PTPRN2: variants seen among roughly 807,000 people sequenced by gnomAD.
PTPRN2 encodes the protein protein tyrosine phosphatase receptor type N2.
PTPRN2 carries 74 observed loss-of-function variants against 118.8 expected under a neutral mutation model. That is an observed-to-expected ratio of 0.62 (90% CI 0.52 to 0.76). The LOEUF (loss-of-function observed/expected upper bound fraction) is 0.76. Among genes scored for constraint, PTPRN2 ranks in the 30% least tolerant of loss-of-function variants. PTPRN2 has a pLI of 0.00. For synonymous variants in PTPRN2, 641 were observed against 608.0 expected, an observed-to-expected ratio of 1.05 and a Z score of -0.80; for missense variants, 1,481 against 1,394.4, an observed-to-expected ratio of 1.06 and a Z score of -0.99.
At chr7:158,111,824 A>G (rs933784741) in intron 9 of PTPRN2, among the ~76,000 whole-genome samples, 5 of 152,204 alleles carry the variant, frequency 3.3e-5, no homozygotes, top group African/African-American at 4.8e-5. Context: ...CTAAAAATTC[A>G]TATGTTGAAA....
chr7:157,549,280 C>T (rs964133328), intron 21 of PTPRN2, among the ~76,000 whole-genome samples: 3 of 151,470 alleles, frequency 2.0e-5, no homozygotes, highest in Middle Eastern at 3.5e-3. Flanking sequence ...AGGCCGTCAC[C>T]GTCAGAAACC....
At chr7:158,348,303 C>G (rs1445400648) in intron 2 of PTPRN2, among the ~76,000 whole-genome samples, 100 of 142,612 alleles carry the variant, frequency 7.0e-4, no homozygotes, top group African/African-American at 4.0e-4. Flanking sequence ...CCCTGGGTTC[C>G]CCATTCACAG....
chr7:158,368,844 A>G (rs1401528649), intron 2 of PTPRN2, among the ~76,000 whole-genome samples: 1 of 152,184 alleles, frequency 6.6e-6, no homozygotes, highest in Non-Finnish European at 1.5e-5. Context: ...AGAGGCAGGA[A>G]TTGTGTGGGG....
intron 2 of PTPRN2, among the ~76,000 whole-genome samples, chr7:158,353,256 T>G (rs967879987): frequency 6.6e-6 from 1 of 152,190 alleles, no homozygotes; most frequent in African/African-American, 2.4e-5. Context: ...ACTGTTTTCC[T>G]TAATAGAAAA....
chr7:158,264,084 A>G (rs754741392), intron 3 of PTPRN2, among the ~76,000 whole-genome samples: 1 of 152,196 alleles, frequency 6.6e-6, no homozygotes, highest in Non-Finnish European at 1.5e-5. Flanking sequence ...TATTATTTAG[A>G]AGGAGGTCAC....
chr7:157,642,585 G>T (rs376176447), intron 14 of PTPRN2, among the ~76,000 whole-genome samples: 2 of 152,104 alleles, frequency 1.3e-5, no homozygotes, highest in South Asian at 2.1e-4. Flanking sequence ...TCCGTCACTG[G>T]GTGCTCAGAA....
chr7:157,542,905 G>A (rs1046397917), intron 22 of PTPRN2, among the ~76,000 whole-genome samples: 1 of 152,212 alleles, frequency 6.6e-6, no homozygotes, highest in Non-Finnish European at 1.5e-5. Flanking sequence ...TGAGGGGACA[G>A]GGGCTTGTGG....
rs1411215136 is a variant in PTPRN2, at chr7:157,794,996, A to G, written c.1788+103677T>C. Among the ~76,000 whole-genome samples the G allele has an allele frequency of 1.3e-5, 2 of 152,204 alleles. No homozygotes were observed. Among genetic ancestry groups the G allele is most frequent in the African/African-American group, 4.8e-5 (2 of 41,464 alleles). On this transcript the variant is annotated intron_variant, in intron 12 of 22. Transcript: ENST00000389418. The surrounding 1 kb of genome is among the most constrained non-coding windows in gnomAD (Gnocchi z 5.2). ...AAAGTATTGAAACTTCCTCTAAGACATGGATCCCTGTGCGTCGCAGCCCCT... is the reference window on the plus strand; with the variant it reads ...AAAGTATTGAAACTTCCTCTAAGACGTGGATCCCTGTGCGTCGCAGCCCCT...
intron 5 of PTPRN2, 31 bp from the exon 6 acceptor site, chr7:158,167,322 A>G (rs368575660): frequency 1.6e-5 from 25 of 1,544,630 alleles, no homozygotes; most frequent in Non-Finnish European, 1.9e-5. Flanking sequence ...ACAGAGCAAG[A>G]GTCACATTTC....
chr7:157,974,161 G>A lies in PTPRN2; in HGVS notation c.1724-75424C>T, dbSNP rs923285840. 5.3e-5 allele frequency among the ~76,000 whole-genome samples: 8 copies of A among 152,332 alleles called. No homozygotes were observed. In the South Asian group the frequency reaches 1.2e-3, roughly 24 times the overall value. On this transcript the variant is annotated intron_variant, in intron 11 of 22. Coordinates refer to ENST00000389418, the MANE Select transcript of PTPRN2 (RefSeq NM_002847.5). This position sits in a 1 kb window ranked among gnomAD's most constrained non-coding sequence, Gnocchi z 4.0. ...CACAGGTCATGAGCGCCGGCCCTGC[G>A]GATCCGGCGATGATCATTGTGGAAA... is the stretch of plus-strand genomic sequence containing the variant.
At chr7:157,613,981 C>A (rs147999231) in intron 15 of PTPRN2, 8,371 of 470,002 alleles carry the variant, frequency 0.018, 286 homozygotes, top group Admixed American at 0.091. Flanking sequence ...TGTGAGCTCA[C>A]AGGGCTGGCC....
chr7:157,767,715 T>C (rs925701600), intron 12 of PTPRN2, among the ~76,000 whole-genome samples: 4 of 152,194 alleles, frequency 2.6e-5, no homozygotes, highest in African/African-American at 7.2e-5. Flanking sequence ...TCTATACTCC[T>C]GCTCCTCTTA....
Position 158,570,039 on chromosome 7 carries a change from C to T in PTPRN2, c.112+17519G>A, listed in dbSNP as rs1178154871. Among the ~76,000 whole-genome samples, 4 of 152,180 alleles carry T rather than the reference C, an allele frequency of 2.6e-5. No homozygotes were observed. The highest frequency in any genetic ancestry group is 9.6e-5 in the African/African-American group (4 of 41,466). ...AGGCCGCCAGGCCTTTCCTCCCTCG[C>T]GTTCCCTCAGGCGCGTCCTCCACCC... On this transcript the variant is annotated intron_variant, in intron 1 of 22. Transcript: ENST00000389418. The surrounding 1 kb of genome is among the most constrained non-coding windows in gnomAD (Gnocchi z 4.5).
chr7:157,988,443 G>A (rs996745494), intron 11 of PTPRN2, among the ~76,000 whole-genome samples: 9 of 152,186 alleles, frequency 5.9e-5, no homozygotes, highest in Admixed American at 1.3e-4. Context: ...CTGCCTGCAC[G>A]TCTTGACATG....
intron 21 of PTPRN2, among the ~76,000 whole-genome samples, chr7:157,563,949 G>A (rs1230343552): frequency 1.3e-5 from 2 of 152,224 alleles, no homozygotes; most frequent in Admixed American, 1.3e-4. Context: ...GCACACGCTC[G>A]AGGCAGCAGG....
chr7:157,772,843 G>C (rs1203518383), intron 12 of PTPRN2, among the ~76,000 whole-genome samples: 1 of 152,244 alleles, frequency 6.6e-6, no homozygotes, highest in African/African-American at 2.4e-5. Context: ...TCCTTTGTGC[G>C]AGGTCCCATG....
At chr7:158,052,295 T>A (rs1809387511) in intron 11 of PTPRN2, among the ~76,000 whole-genome samples, 1 of 152,226 alleles carries the variant, frequency 6.6e-6, no homozygotes, top group Non-Finnish European at 1.5e-5. Flanking sequence ...TCCGACTTCC[T>A]CTTAGAAGGG....
intron 11 of PTPRN2, among the ~76,000 whole-genome samples, chr7:158,069,017 C>T (rs777378005): frequency 6.6e-6 from 1 of 152,340 alleles, no homozygotes; most frequent in South Asian, 2.1e-4. Flanking sequence ...ACCATCTTCA[C>T]GTGCTCTCTG....
rs927794788 is a variant in PTPRN2, at chr7:158,441,050, G to A, written c.163+48685C>T. ...TGGTGACAGTGGTAGTAGTGATGGT[G>A]GTAGTGATGGGGGTGGTAGTGATGG... is the stretch of plus-strand genomic sequence containing the variant. On this transcript the variant is annotated intron_variant, in intron 2 of 22. Transcript: ENST00000389418. Among the ~76,000 whole-genome samples, 171 of 49,468 alleles carry A rather than the reference G, an allele frequency of 3.5e-3. 3 individuals carry two copies. The highest frequency in any genetic ancestry group is 0.021 in the Admixed American group (84 of 4,042). The allele number at this position is 49,468 out of a possible 152,430, so 32.5% of individuals were successfully genotyped here. A position where few individuals can be genotyped will look rare whatever the true frequency, so the allele number is the denominator to read the frequency against.
Sources: gnomAD v4.1 joint callset for allele counts (sites outside exome capture counted in the v4.1 genomes callset) on GRCh38, gnomAD v4.1.1 for gene constraint, Gnocchi (gnomAD v3.1) non-coding constraint, MANE v1.5 for transcripts, NCBI Gene and HGNC (gene_info 2026-07-23, HGNC 2026-07-21) for gene names.